SHB: variants seen among roughly 807,000 people sequenced by gnomAD.
SHB encodes SH2 domain containing adaptor protein B.
Under a neutral mutation model 52.3 loss-of-function variants are expected in SHB, and 20 were observed. The observed-to-expected ratio is 0.38, with a 90% CI of 0.27 to 0.56. The LOEUF (loss-of-function observed/expected upper bound fraction) is 0.56. SHB is among the 20% of genes least tolerant of loss of function. The pLI is 0.71. For missense variants in SHB, 825 were observed against 723.3 expected (o/e 1.14, Z -1.61); for synonymous variants, 397 against 316.5 (o/e 1.25, Z -2.70).
intron 4 of SHB, among the ~76,000 whole-genome samples, chr9:37,954,338 C>T (rs911182424): frequency 6.6e-6 from 1 of 152,166 alleles, no homozygotes; most frequent in African/African-American, 2.4e-5. Context: ...CATGCCAAGA[C>T]CAGAATCCCC....
intron 1 of SHB, among the ~76,000 whole-genome samples, chr9:38,047,863 C>G (rs1217102863): frequency 1.3e-5 from 2 of 152,244 alleles, no homozygotes; most frequent in Non-Finnish European, 2.9e-5. Context: ...CTTGCCCGAG[C>G]TAACGCTGTG....
chr9:38,005,270 G>A (rs1361706442), intron 2 of SHB, among the ~76,000 whole-genome samples: 1 of 152,176 alleles, frequency 6.6e-6, no homozygotes, highest in Admixed American at 6.5e-5. Flanking sequence ...ACAATTACAC[G>A]CCTATACCCT....
chr9:38,031,029 A>C (rs2118113926), intron 1 of SHB, among the ~76,000 whole-genome samples: 1 of 152,302 alleles, frequency 6.6e-6, no homozygotes, highest in African/African-American at 2.4e-5. Context: ...CCCACATTTT[A>C]TGAAGGAAAG....
chr9:38,068,105 G>C lies in SHB; in HGVS notation c.541C>G (p.Pro181Ala). Residue 181 changes from proline to alanine, a missense_variant, in exon 1 of 6, where the codon CCC becomes GCC. By Grantham distance (27) the Pro-to-Ala change is conservative. Coordinates refer to ENST00000377707, the MANE Select transcript of SHB (RefSeq NM_003028.3). ...TCCACTTTGATGAGGCGGTGCTTGG[G>C]GGAGATGTAGCGCACCTCGGCCGGC... is the stretch of plus-strand genomic sequence containing the variant. ...ATPAEVRYISPKHRLIKVESA... is the reference protein window; with the variant it reads ...ATPAEVRYISAKHRLIKVESA... The C allele has an allele frequency of 1.3e-6, 2 of 1,484,560 alleles. No individual in the cohort carries two copies. The highest frequency in any genetic ancestry group is 8.9e-7 in the Non-Finnish European group (1 of 1,129,268). The allele number at this position is 1,484,560 out of a possible 1,614,324, so 92.0% of individuals were successfully genotyped here.
chr9:37,956,948 T>C (rs573086762), intron 3 of SHB, among the ~76,000 whole-genome samples: 94 of 152,358 alleles, frequency 6.2e-4, no homozygotes, highest in Non-Finnish European at 2.1e-4. Context: ...ATCACACTTA[T>C]TGTGTCTGCT....
In SHB at chr9:37,917,441, T is replaced by C. The variant is rs1265995379; in HGVS notation, c.*2380A>G. Among the ~76,000 whole-genome samples the C allele has an allele frequency of 6.6e-6, 1 of 151,992 alleles. No homozygotes were observed. Among genetic ancestry groups the C allele is most frequent in the Non-Finnish European group, 1.5e-5 (1 of 67,978 alleles). ...TCCCAGAGCCTTTTCTGAGGAGCAA[T>C]GTGCCCGGGAAGATGGTCTACAGGG... On this transcript the variant is annotated 3_prime_UTR_variant, in exon 6 of 6. Coordinates refer to ENST00000377707, the MANE Select transcript of SHB (RefSeq NM_003028.3).
At chr9:37,925,107 G>A (rs1187947659) in intron 5 of SHB, among the ~76,000 whole-genome samples, 2 of 152,200 alleles carry the variant, frequency 1.3e-5, no homozygotes, top group Non-Finnish European at 2.9e-5. Context: ...GGGGCACTGT[G>A]CCCATCACCC....
intron 1 of SHB, among the ~76,000 whole-genome samples, chr9:38,039,618 G>GTAATCCTACTTT: frequency 6.6e-6 from 1 of 152,384 alleles, no homozygotes; most frequent in South Asian, 2.1e-4. Context: ...AGGTCCCGTT[G>GTAATCCTACTTT]TAATCCTACT....
intron 2 of SHB, among the ~76,000 whole-genome samples, chr9:38,013,818 C>T (rs1486482661): frequency 6.6e-6 from 1 of 152,130 alleles, no homozygotes; most frequent in Non-Finnish European, 1.5e-5. Context: ...CTGCCTGTGG[C>T]TCCATGGGAC....
chr9:37,978,184 A>G (rs1327097814), intron 2 of SHB, among the ~76,000 whole-genome samples: 1 of 152,248 alleles, frequency 6.6e-6, no homozygotes, highest in Non-Finnish European at 1.5e-5. Context: ...TATTCTCCAT[A>G]AACACCAGCC....
At chr9:38,035,005 G>T (rs998119361) in intron 1 of SHB, among the ~76,000 whole-genome samples, 4 of 152,120 alleles carry the variant, frequency 2.6e-5, no homozygotes, top group Non-Finnish European at 5.9e-5. Context: ...CCTGGGCCTT[G>T]TACTTTAATT....
intron 1 of SHB, among the ~76,000 whole-genome samples, chr9:38,044,392 A>G (rs761548225): frequency 1.1e-4 from 17 of 152,224 alleles, no homozygotes; most frequent in Non-Finnish European, 2.4e-4. Flanking sequence ...TTATTCATCT[A>G]TAAGACGTTT....
chr9:38,015,892 A>T (rs958372295), intron 2 of SHB, 119 bp downstream of exon 2: 2 of 956,696 alleles, frequency 2.1e-6, no homozygotes, highest in Non-Finnish European at 1.6e-6. Context: ...CCACCTACCA[A>T]CTTGAAAGCA....
chr9:38,029,517 A>C (rs1821386636), intron 1 of SHB, among the ~76,000 whole-genome samples: 1 of 151,706 alleles, frequency 6.6e-6, no homozygotes, highest in Non-Finnish European at 1.5e-5. Context: ...TTTTAGATGG[A>C]ATCTCGCTCT....
At chr9:37,928,630 C>T (rs373930546) in intron 5 of SHB, among the ~76,000 whole-genome samples, 4 of 152,242 alleles carry the variant, frequency 2.6e-5, no homozygotes, top group African/African-American at 4.8e-5. Flanking sequence ...ACTCGCTAGA[C>T]GGCCAGTGCC....
At chr9:37,937,551 TAGAGAAGAGCA>T (rs1832385685) in intron 5 of SHB, among the ~76,000 whole-genome samples, 1 of 151,632 alleles carries the variant, frequency 6.6e-6, no homozygotes, top group Admixed American at 6.6e-5. Context: ...GGGAGCTTCC[TAGAGAAGAGCA>T]GGTGAAAGAC....
chr9:37,971,759 T>C (rs143730726), intron 3 of SHB, among the ~76,000 whole-genome samples: 1,873 of 152,314 alleles, frequency 0.012, 35 homozygotes, highest in Admixed American at 0.045. Context: ...AAACGGATGC[T>C]TGTGGGCTCA....
chr9:37,967,675 C>A (rs774987062), intron 3 of SHB, among the ~76,000 whole-genome samples: 23 of 152,210 alleles, frequency 1.5e-4, no homozygotes, highest in Non-Finnish European at 2.9e-4. Context: ...CACCTGGGAA[C>A]CTGTTGGAAA....
intron 1 of SHB, among the ~76,000 whole-genome samples, chr9:38,017,174 C>G (rs555089417): frequency 1.2e-4 from 18 of 152,366 alleles, no homozygotes; most frequent in Non-Finnish European, 2.2e-4. Context: ...TCATCATAAA[C>G]TTGTCCTGGG....
Sources: allele counts gnomAD v4.1 joint callset (sites outside exome capture counted in the v4.1 genomes callset), GRCh38; gene constraint gnomAD v4.1.1; transcripts MANE v1.5; gene names NCBI Gene and HGNC (gene_info 2026-07-23, HGNC 2026-07-21).